The following SUPT3H variants were observed in gnomAD, a reference collection of about 807,000 sequenced individuals.
SUPT3H encodes transcription initiation protein SPT3 homolog.
In SUPT3H, 44 loss-of-function variants were observed where a neutral mutation model predicts 44.3. The ratio of observed to expected loss-of-function variants is 0.99; its 90% confidence interval spans 0.78 to 1.28. The LOEUF (loss-of-function observed/expected upper bound fraction) is 1.28. Among genes scored for constraint, SUPT3H ranks in the 50% most tolerant of loss-of-function variants. SUPT3H has a pLI of 0.00. For synonymous variants in SUPT3H, 124 were observed against 125.6 expected (o/e 0.99, Z 0.09); for missense variants, 380 against 387.1 (o/e 0.98, Z 0.15).
intron 2 of SUPT3H, among the ~76,000 whole-genome samples, chr6:45,113,827 C>CA (rs374606230): frequency 0.54 from 61,096 of 112,542 alleles, 15,843 homozygotes; most frequent in Non-Finnish European, 0.59. Flanking sequence ...AAGACTCCAT[C>CA]AAAAAAAAAA....
chr6:45,004,307 T>C (rs1167404643), intron 5 of SUPT3H, among the ~76,000 whole-genome samples: 1 of 152,050 alleles, frequency 6.6e-6, no homozygotes. Context: ...TAAACTTTTA[T>C]GTAACAAAAT....
At chr6:44,968,332 T>C (rs1024115484) in intron 6 of SUPT3H, among the ~76,000 whole-genome samples, 1 of 152,174 alleles carries the variant, frequency 6.6e-6, no homozygotes, top group Admixed American at 6.5e-5. Context: ...TATATATGTA[T>C]AACGTGGTCC....
chr6:45,320,143 A>C (rs1224681196), intron 2 of SUPT3H, among the ~76,000 whole-genome samples: 1 of 152,170 alleles, frequency 6.6e-6, no homozygotes, highest in Admixed American at 6.5e-5. Flanking sequence ...TTATTAAAAA[A>C]ATTTCCAAAT....
chr6:45,003,606 C>T, intron 6 of SUPT3H, 47 bp downstream of exon 6: 1 of 1,597,860 alleles, frequency 6.3e-7, no homozygotes, highest in Non-Finnish European at 8.5e-7. Context: ...AGCATAGGCA[C>T]TGCAATGATT....
chr6:45,210,057 T>A lies in SUPT3H; in HGVS notation c.102-104051A>T, dbSNP rs1475420452. On this transcript the variant is annotated intron_variant, in intron 2 of 10. Transcript: ENST00000371459. ...CTCATATGATCAAGACAGCATTTTA[T>A]AAAAATAAAGTATTTTTGTAATTAA... Among the ~76,000 whole-genome samples, 4 of 152,250 alleles carry A rather than the reference T, an allele frequency of 2.6e-5. No homozygotes were observed. In the East Asian group the frequency reaches 7.7e-4, roughly 29 times the overall value.
intron 2 of SUPT3H, among the ~76,000 whole-genome samples, chr6:45,214,110 A>G (rs1176007835): frequency 6.6e-6 from 1 of 151,926 alleles, no homozygotes; most frequent in Non-Finnish European, 1.5e-5. Context: ...ATGAGCAAAC[A>G]CAGCTCACAG....
At position 45,080,172 on chromosome 6, in the gene SUPT3H, C is replaced by G. The variant is rs181543199; in HGVS notation, c.186+25750G>C. Reference sequence around the variant, plus strand: ...GAGACATTTCTCAAAAGAAGACAAACAGTACACAAGTATATGAAAAAGTGC... The same window carrying G: ...GAGACATTTCTCAAAAGAAGACAAAGAGTACACAAGTATATGAAAAAGTGC... On this transcript the variant is annotated intron_variant, in intron 3 of 10. Transcript: ENST00000371459. Among the ~76,000 whole-genome samples the G allele has an allele frequency of 2.0e-5, 3 of 152,120 alleles. No homozygotes were observed. The East Asian group carries it at 5.8e-4, about 29-fold the overall frequency.
At chr6:45,212,530 T>TGC (rs1167660771) in intron 2 of SUPT3H, among the ~76,000 whole-genome samples, 1 of 122,906 alleles carries the variant, frequency 8.1e-6, no homozygotes, top group Non-Finnish European at 1.7e-5. Context: ...TGTGTGTGTG[T>TGC]GTGTGTGTGT....
intron 2 of SUPT3H, among the ~76,000 whole-genome samples, chr6:45,319,087 G>A (rs997922849): frequency 6.6e-6 from 1 of 152,020 alleles, no homozygotes; most frequent in Non-Finnish European, 1.5e-5. Flanking sequence ...GGCAGACAGG[G>A]CAATCAATCT....
At chr6:45,347,047 C>G (rs1791029572) in intron 2 of SUPT3H, among the ~76,000 whole-genome samples, 1 of 151,924 alleles carries the variant, frequency 6.6e-6, no homozygotes, top group African/African-American at 2.4e-5. Context: ...AGAGGTGGTA[C>G]TTTATATAAT....
At chr6:44,882,315 C>T (rs1778375682) in intron 10 of SUPT3H, among the ~76,000 whole-genome samples, 1 of 152,124 alleles carries the variant, frequency 6.6e-6, no homozygotes, top group Non-Finnish European at 1.5e-5. Flanking sequence ...GACACATACA[C>T]CCTCCCAAGA....
chr6:45,191,955 A>T (rs1723278551), intron 2 of SUPT3H, among the ~76,000 whole-genome samples: 1 of 152,096 alleles, frequency 6.6e-6, no homozygotes, highest in Non-Finnish European at 1.5e-5. Context: ...TATACCCAAT[A>T]CAAGTCTTCA....
At chr6:45,209,952 T>A (rs553564237) in intron 2 of SUPT3H, among the ~76,000 whole-genome samples, 2 of 152,204 alleles carry the variant, frequency 1.3e-5, no homozygotes, top group East Asian at 3.9e-4. Context: ...ACATTGAAGG[T>A]TCAGACGATA....
chr6:45,178,207 T>C (rs1056937074), intron 2 of SUPT3H, among the ~76,000 whole-genome samples: 11 of 151,838 alleles, frequency 7.2e-5, no homozygotes, highest in Non-Finnish European at 1.3e-4. Flanking sequence ...TAGGCTCAAA[T>C]AAAAGGATAG....
intron 2 of SUPT3H, among the ~76,000 whole-genome samples, chr6:45,177,994 G>C (rs1240007229): frequency 1.3e-5 from 2 of 152,132 alleles, no homozygotes; most frequent in African/African-American, 4.8e-5. Context: ...ATGGGGACTA[G>C]GAAGAAACTG....
At chr6:45,249,261 A>G (rs1422608557) in intron 2 of SUPT3H, among the ~76,000 whole-genome samples, 1 of 152,146 alleles carries the variant, frequency 6.6e-6, no homozygotes, top group Non-Finnish European at 1.5e-5. Flanking sequence ...TTTTGCTTAT[A>G]GTTTCTCTGT....
chr6:45,057,152 A>G (rs1791258615), intron 3 of SUPT3H, among the ~76,000 whole-genome samples: 1 of 152,176 alleles, frequency 6.6e-6, no homozygotes, highest in South Asian at 2.1e-4. Context: ...CACCCTAAAA[A>G]TAAAAGATAT....
chr6:45,366,224 TAA>T (rs1451458733), intron 1 of SUPT3H, among the ~76,000 whole-genome samples: 2 of 152,224 alleles, frequency 1.3e-5, no homozygotes, highest in African/African-American at 4.8e-5. Context: ...GAACATATGA[TAA>T]AGTAAAGCAG....
At chr6:44,982,359 G>T (rs1779213416) in intron 6 of SUPT3H, among the ~76,000 whole-genome samples, 1 of 152,094 alleles carries the variant, frequency 6.6e-6, no homozygotes, top group Non-Finnish European at 1.5e-5. Context: ...GAGTAGCTGG[G>T]ACTACAAGTG....
Sources: allele counts gnomAD v4.1 joint callset (sites outside exome capture counted in the v4.1 genomes callset), GRCh38; gene constraint gnomAD v4.1.1; transcripts MANE v1.5; gene names NCBI Gene and HGNC (gene_info 2026-07-23, HGNC 2026-07-21).